MSI2: variants seen among roughly 807,000 people sequenced by gnomAD.
The protein encoded by MSI2 is musashi RNA binding protein 2.
MSI2 carries 17 observed loss-of-function variants against 45.6 expected under a neutral mutation model. The observed-to-expected ratio is 0.37, with a 90% CI of 0.26 to 0.56. The LOEUF (loss-of-function observed/expected upper bound fraction) is 0.56. MSI2 is among the 20% of genes least tolerant of loss of function. The pLI is 0.77. For synonymous variants in MSI2, 156 were observed against 158.2 expected (o/e 0.99, Z 0.11); for missense variants, 293 against 444.2 (o/e 0.66, Z 3.06).
intron 5 of MSI2, among the ~76,000 whole-genome samples, chr17:57,361,131 C>T (rs936362200): frequency 1.3e-5 from 2 of 152,148 alleles, no homozygotes; most frequent in Non-Finnish European, 2.9e-5. Context: ...TCAAGGGTTA[C>T]GGCCCCCCTG....
chr17:57,694,453 TAGTC>T, the MSI2 span, among the ~76,000 whole-genome samples: 1 of 152,184 alleles, frequency 6.6e-6, no homozygotes, highest in Non-Finnish European at 1.5e-5. Context: ...AGATTCCTCT[TAGTC>T]TGGTCCCAGA....
At chr17:57,377,130 C>G (rs1428944127) in intron 5 of MSI2, among the ~76,000 whole-genome samples, 1 of 152,102 alleles carries the variant, frequency 6.6e-6, no homozygotes, top group Non-Finnish European at 1.5e-5. Context: ...CTGTGTTTAC[C>G]AGGATGGTCT....
At chr17:57,337,847 G>A (rs748953648) in intron 5 of MSI2, among the ~76,000 whole-genome samples, 24 of 152,064 alleles carry the variant, frequency 1.6e-4, no homozygotes, top group African/African-American at 4.3e-4. Context: ...TATCATTTTT[G>A]TGTGCATACG....
chr17:57,662,572 C>G (rs1912064932), intron 11 of MSI2, among the ~76,000 whole-genome samples: 1 of 152,160 alleles, frequency 6.6e-6, no homozygotes, highest in Admixed American at 6.5e-5. Context: ...AGGATTTGAG[C>G]CTAAGCCTGT....
At chr17:57,292,031 A>G (rs1302573467) in intron 5 of MSI2, among the ~76,000 whole-genome samples, 1 of 151,946 alleles carries the variant, frequency 6.6e-6, no homozygotes, top group East Asian at 1.9e-4. Flanking sequence ...AACAAAAGCT[A>G]GACAGTCCCC....
chr17:57,582,583 A>T (rs1208040208), intron 7 of MSI2, among the ~76,000 whole-genome samples: 1 of 152,174 alleles, frequency 6.6e-6, no homozygotes, highest in African/African-American at 2.4e-5. Context: ...ATAACTGAAA[A>T]ATACACCTCA....
intron 6 of MSI2, among the ~76,000 whole-genome samples, chr17:57,460,805 A>G (rs990857525): frequency 1.4e-4 from 21 of 151,978 alleles, no homozygotes; most frequent in African/African-American, 5.1e-4. Context: ...GAGAAGGGAG[A>G]GGAGCTTTCT....
At chr17:57,559,403 T>C (rs1226654605) in intron 7 of MSI2, among the ~76,000 whole-genome samples, 2 of 152,236 alleles carry the variant, frequency 1.3e-5, no homozygotes, top group Non-Finnish European at 2.9e-5. Flanking sequence ...CCTGGACTCC[T>C]TTCCAGACCA....
chr17:57,488,937 C>T (rs115130602), intron 6 of MSI2, among the ~76,000 whole-genome samples: 1,959 of 152,222 alleles, frequency 0.013, 41 homozygotes, highest in African/African-American at 0.045. Context: ...TCCAAAGTGC[C>T]CTTCCCATGA....
chr17:57,295,239 AC>A (rs1421545097), intron 5 of MSI2, among the ~76,000 whole-genome samples: 1 of 152,082 alleles, frequency 6.6e-6, no homozygotes, highest in Non-Finnish European at 1.5e-5. Flanking sequence ...GAGAATTAAT[AC>A]GCCTCCTGCC....
At chr17:57,469,870 C>T (rs1291704027) in intron 6 of MSI2, among the ~76,000 whole-genome samples, 1 of 152,258 alleles carries the variant, frequency 6.6e-6, no homozygotes, top group East Asian at 1.9e-4. Context: ...CAGACAGCTG[C>T]ATGGCCCACG....
intron 6 of MSI2, among the ~76,000 whole-genome samples, chr17:57,471,466 T>G (rs945835888): frequency 2.6e-5 from 4 of 151,952 alleles, no homozygotes; most frequent in Non-Finnish European, 2.9e-5. Context: ...AATTTTTGTA[T>G]TTTTAGTAGA....
intron 5 of MSI2, among the ~76,000 whole-genome samples, chr17:57,333,528 C>T (rs996537402): frequency 7.9e-5 from 12 of 151,830 alleles, no homozygotes; most frequent in Non-Finnish European, 2.9e-5. Context: ...ACCTCTGCCT[C>T]CTGGGTTCAA....
At chr17:57,408,483 A>G (rs549563086) in intron 6 of MSI2, among the ~76,000 whole-genome samples, 2 of 151,790 alleles carry the variant, frequency 1.3e-5, no homozygotes, top group South Asian at 4.2e-4. Context: ...GTTTGACCGC[A>G]TTTCCTGGTA....
chr17:57,509,445 A>G (rs2086303674), intron 6 of MSI2, among the ~76,000 whole-genome samples: 2 of 152,090 alleles, frequency 1.3e-5, no homozygotes, highest in African/African-American at 4.8e-5. Context: ...TTTGAGACAG[A>G]GTTTCACTCT....
chr17:57,687,840 A>C (rs1913913491), downstream of MSI2, among the ~76,000 whole-genome samples: 3 of 152,120 alleles, frequency 2.0e-5, no homozygotes, highest in Admixed American at 2.0e-4. Context: ...GTAGAATTCT[A>C]CAATATATCA....
At chr17:57,551,070 G>A (rs1275454939) in intron 7 of MSI2, among the ~76,000 whole-genome samples, 2 of 152,172 alleles carry the variant, frequency 1.3e-5, no homozygotes, top group African/African-American at 4.8e-5. Flanking sequence ...TTCTCCCGGT[G>A]CTTTTTTGAA....
chr17:57,264,867 G>C (rs1907637079), intron 5 of MSI2: 1 of 152,238 alleles, frequency 6.6e-6, no homozygotes, highest in Non-Finnish European at 1.5e-5. Flanking sequence ...GGGAACCATA[G>C]CCAGAGGCCC....
chr17:57,424,321 A>G (rs142729273), intron 6 of MSI2, among the ~76,000 whole-genome samples: 91 of 152,312 alleles, frequency 6.0e-4, no homozygotes, highest in Middle Eastern at 3.4e-3. Context: ...AAGATCTTCT[A>G]CCTAGTAGCT....
Sources: gnomAD v4.1 joint callset for allele counts (sites outside exome capture counted in the v4.1 genomes callset) on GRCh38, gnomAD v4.1.1 for gene constraint, MANE v1.5 for transcripts, NCBI Gene and HGNC (gene_info 2026-07-23, HGNC 2026-07-21) for gene names.